The following DNAH11 variants were observed in gnomAD, a reference collection of about 807,000 sequenced individuals.
DNAH11 encodes the protein dynein axonemal heavy chain 11, also known as axonemal beta dynein heavy chain 11.
DNAH11 carries 442 observed loss-of-function variants against 526.0 expected under a neutral mutation model. The ratio of observed to expected loss-of-function variants is 0.84; its 90% confidence interval spans 0.78 to 0.91. The LOEUF (loss-of-function observed/expected upper bound fraction) is 0.91. DNAH11 is among the 40% of genes least tolerant of loss of function. The probability of loss-of-function intolerance (pLI) is 0.00; values close to 1 mark genes in which losing one functional copy is unlikely to be tolerated. For missense variants in DNAH11, 6,989 were observed against 5,448.7 expected, an observed-to-expected ratio of 1.28 and a Z score of -8.90; for synonymous variants, 2,461 against 1,935.9, an observed-to-expected ratio of 1.27 and a Z score of -7.12.
chr7:21,751,881 A>G (rs1271450446), intron 54 of DNAH11, among the ~76,000 whole-genome samples: 2 of 152,244 alleles, frequency 1.3e-5, no homozygotes, highest in Admixed American at 1.3e-4. Flanking sequence ...TTCCTGTTCC[A>G]TGGTGATATA....
chr7:21,570,883 TAAAA>T (rs10603947), intron 7 of DNAH11, among the ~76,000 whole-genome samples: 38,854 of 146,986 alleles, frequency 0.26, 5,323 homozygotes, highest in East Asian at 0.48. Context: ...TGGCTTAGTT[TAAAA>T]AAAAAAAAAA....
chr7:21,849,958 C>G (rs1454369432), intron 66 of DNAH11, among the ~76,000 whole-genome samples: 3 of 149,458 alleles, frequency 2.0e-5, no homozygotes, highest in Admixed American at 2.0e-4. Context: ...CTTGGATATT[C>G]TTTCCTTTTT....
chr7:21,754,167 G>A (rs1786528271), intron 54 of DNAH11, among the ~76,000 whole-genome samples: 1 of 152,038 alleles, frequency 6.6e-6, no homozygotes, highest in Non-Finnish European at 1.5e-5. Flanking sequence ...GATAATAGTA[G>A]GAATTCTGTC....
chr7:21,900,280 TGTGTGTCCACTGTGAAC>T (rs1328150313), intron 81 of DNAH11, among the ~76,000 whole-genome samples, 160 bp downstream of exon 81: 1 of 152,234 alleles, frequency 6.6e-6, no homozygotes, highest in Non-Finnish European at 1.5e-5. Flanking sequence ...AGTGCTGGGA[TGTGTGTCCACTGTGAAC>T]CAAACTGTAA....
At chr7:21,662,044 C>G (rs1386271311) in intron 30 of DNAH11, among the ~76,000 whole-genome samples, 1 of 152,066 alleles carries the variant, frequency 6.6e-6, no homozygotes, top group East Asian at 1.9e-4. Context: ...GTCTCGAACT[C>G]CTGACCTCAA....
At chr7:21,622,636 CAG>C (rs1786125468) in intron 25 of DNAH11, among the ~76,000 whole-genome samples, 1 of 152,068 alleles carries the variant, frequency 6.6e-6, no homozygotes, top group Non-Finnish European at 1.5e-5. Flanking sequence ...ATCAATGGAA[CAG>C]AACAGAGCCC....
chr7:21,850,280 C>T lies in DNAH11; in HGVS notation c.10897-2187C>T, dbSNP rs369806006. Among the ~76,000 whole-genome samples the T allele has an allele frequency of 4.6e-4, 68 of 147,510 alleles. No individual in the cohort carries two copies. In the South Asian group the frequency reaches 0.011, roughly 25 times the overall value. On this transcript the variant is annotated intron_variant, in intron 66 of 81. Transcript: ENST00000409508. ...CTGAGGCAGGAGAATGGCGTGAACC[C>T]GGGAGGCGGAGCTTGCAGTGACCCG...
In DNAH11 at chr7:21,888,908, C is replaced by T. The variant is rs190960057; in HGVS notation, c.12508-3517C>T. ...GTTTTACTAAGATATAATTTGCACA[C>T]TGTAACATTTACCAATTTAAATTAT... On this transcript the variant is annotated intron_variant, in intron 76 of 81. Coordinates refer to ENST00000409508, the MANE Select transcript of DNAH11 (RefSeq NM_001277115.2). Among the ~76,000 whole-genome samples the T allele has an allele frequency of 2.0e-5, 3 of 152,232 alleles. No homozygotes were observed. In the East Asian group the frequency reaches 5.8e-4, roughly 29 times the overall value.
chr7:21,793,562 G>T (rs1788567248), intron 61 of DNAH11, among the ~76,000 whole-genome samples: 1 of 151,036 alleles, frequency 6.6e-6, no homozygotes, highest in Admixed American at 6.6e-5. Flanking sequence ...GCTGCAGGGA[G>T]CCGAGATCGT....
chr7:21,654,062 T>C (rs1347841847), intron 28 of DNAH11, among the ~76,000 whole-genome samples: 1 of 152,192 alleles, frequency 6.6e-6, no homozygotes, highest in African/African-American at 2.4e-5. Flanking sequence ...ATCTTCTGGT[T>C]ATCAGCAGCT....
intron 18 of DNAH11, among the ~76,000 whole-genome samples, chr7:21,604,130 A>G (rs1785195842): frequency 6.6e-6 from 1 of 152,158 alleles, no homozygotes; most frequent in East Asian, 1.9e-4. Flanking sequence ...AACATTTTCC[A>G]AATACTTGTC....
chr7:21,821,817 T>C (rs893768519), intron 65 of DNAH11, among the ~76,000 whole-genome samples: 2 of 152,112 alleles, frequency 1.3e-5, no homozygotes, highest in Non-Finnish European at 2.9e-5. Flanking sequence ...TCTAACTGTA[T>C]TTTTGTACCC....
intron 68 of DNAH11, among the ~76,000 whole-genome samples, chr7:21,860,675 T>C (rs915062987): frequency 4.6e-5 from 7 of 152,182 alleles, no homozygotes; most frequent in Admixed American, 4.6e-4. Flanking sequence ...TTATCCTAAT[T>C]CAAATGAGCC....
chr7:21,722,394 T>C (rs1784914728), intron 44 of DNAH11, among the ~76,000 whole-genome samples: 2 of 152,168 alleles, frequency 1.3e-5, no homozygotes, highest in South Asian at 4.1e-4. Context: ...GCACACATTT[T>C]CCAGGCTTCC....
intron 74 of DNAH11, among the ~76,000 whole-genome samples, chr7:21,876,681 G>A (rs1015914873): frequency 5.9e-5 from 9 of 152,284 alleles, no homozygotes; most frequent in Non-Finnish European, 1.3e-4. Context: ...GGCTTTTCAC[G>A]GTCCCAGGTG....
Position 21,658,951 on chromosome 7 carries a change from T to G in DNAH11, c.5248T>G (p.Trp1750Gly). 1.9e-6 allele frequency: 3 copies of G among 1,611,000 alleles called. No homozygotes were observed. The highest frequency in any genetic ancestry group is 2.5e-6 in the Non-Finnish European group (3 of 1,178,712). ...QVALTSSQIWWTTDVGIAFSR... is the reference protein window; with the variant it reads ...QVALTSSQIWGTTDVGIAFSR... ...TGCACTAACCAGCTCACAAATATGG[T>G]GGACCACAGATGTAGGAATAGCCTT... The change falls in exon 30 of 82, where the codon TGG becomes GGG. Residue 1750 changes from tryptophan to glycine, a missense_variant. Trp to Gly is a radical substitution (Grantham distance 184). Transcript: ENST00000409508.
chr7:21,661,548 A>G lies in DNAH11; in HGVS notation c.5328+2517A>G, dbSNP rs528665168. On this transcript the variant is annotated intron_variant, in intron 30 of 81. Coordinates refer to ENST00000409508, the MANE Select transcript of DNAH11 (RefSeq NM_001277115.2). The stretch of plus-strand genomic sequence containing the variant: ...TCAAATTATTTTTCCATTGTAAGCT[A>G]TCTGTCTTGTTTTGGGGGATAATTT... Among the ~76,000 whole-genome samples the G allele has an allele frequency of 6.6e-5, 10 of 152,070 alleles. No homozygotes were observed. The South Asian group carries it at 1.9e-3, about 28-fold the overall frequency.
At chr7:21,714,574 A>G (rs1282531670) in intron 42 of DNAH11, among the ~76,000 whole-genome samples, 1 of 152,204 alleles carries the variant, frequency 6.6e-6, no homozygotes, top group Non-Finnish European at 1.5e-5. Flanking sequence ...ACCTTCTGAG[A>G]TAGACATAAT....
intron 54 of DNAH11, among the ~76,000 whole-genome samples, chr7:21,751,045 C>T (rs1370493527): frequency 3.3e-5 from 5 of 151,978 alleles, no homozygotes; most frequent in African/African-American, 9.7e-5. Flanking sequence ...TCAGATGGGC[C>T]GGGTGCAGTG....
Sources: gnomAD v4.1 joint callset for allele counts (sites outside exome capture counted in the v4.1 genomes callset) on GRCh38, gnomAD v4.1.1 for gene constraint, MANE v1.5 for transcripts, NCBI Gene and HGNC (gene_info 2026-07-23, HGNC 2026-07-21) for gene names.